Variants in DNAJB12 observed in about 807,000 individuals in gnomAD.
DNAJB12 encodes dnaJ homolog subfamily B member 12.
In DNAJB12, 14 loss-of-function variants were observed where a neutral mutation model predicts 40.6. The observed-to-expected ratio is 0.34, with a 90% CI of 0.23 to 0.54. DNAJB12 has a LOEUF of 0.54. Among genes scored for constraint, DNAJB12 ranks in the 20% least tolerant of loss-of-function variants. The pLI, the probability that DNAJB12 is intolerant of heterozygous loss-of-function variation, is 0.92. For synonymous variants in DNAJB12, 181 were observed against 199.5 expected (o/e 0.91, Z 0.78); for missense variants, 444 against 501.7 (o/e 0.89, Z 1.10).
rs775072365 is a variant in DNAJB12, at chr10:72,344,990, T to C, written c.271A>G (p.Thr91Ala). 1.2e-6 allele frequency: 2 copies of C among 1,614,204 alleles called. No homozygotes were observed. The highest frequency in any genetic ancestry group is 1.7e-6 in the Non-Finnish European group (2 of 1,180,022). Residue 91 changes from threonine to alanine, a missense_variant, in exon 2 of 9, where the codon ACC becomes GCC. Physicochemically the swap from Thr to Ala is moderately conservative, Grantham distance 58. Coordinates refer to ENST00000444643, the MANE Select transcript of DNAJB12 (RefSeq NM_017626.7). Reference protein sequence around the residue: ...SANGEAGGESTKGYTAEQVAA... With the variant: ...SANGEAGGESAKGYTAEQVAA... Reference sequence around the variant, plus strand: ...ACCTGTTCTGCAGTGTAGCCTTTGGTGCTCTCTCCTCCAGCTTCACCGTTG... The same window carrying C: ...ACCTGTTCTGCAGTGTAGCCTTTGGCGCTCTCTCCTCCAGCTTCACCGTTG...
rs76463088 is a variant in DNAJB12, at chr10:72,354,606, G to A, written c.133+159C>T. 7.5e-3 allele frequency among the ~76,000 whole-genome samples: 1,135 copies of A among 152,330 alleles called. 16 individuals are homozygous for A. The highest frequency in any genetic ancestry group is 0.026 in the African/African-American group (1,073 of 41,580). ...CTCGCATCCCGCAGAGGAACAAGAG[G>A]GAAAAACTACGCCTCCCAGCAGCCA... On this transcript the variant is annotated intron_variant, in intron 1 of 8. Transcript: ENST00000444643.
intron 1 of DNAJB12, among the ~76,000 whole-genome samples, chr10:72,346,553 G>A (rs1861793505): frequency 6.6e-6 from 1 of 152,228 alleles, no homozygotes; most frequent in Admixed American, 6.5e-5. Flanking sequence ...TTGAACTCCT[G>A]ACCTCAAGCA....
Position 72,335,425 on chromosome 10 carries a change from G to C in DNAJB12, c.*30+355C>G, listed in dbSNP as rs565367747. The C allele has an allele frequency of 9.4e-7, 1 of 1,065,682 alleles. No individual in the cohort carries two copies. The highest frequency in any genetic ancestry group is 2.8e-5 in the South Asian group (1 of 35,432). 66.0% of individuals were successfully genotyped at this position (1,065,682 alleles called of 1,614,324 possible). On this transcript the variant is annotated intron_variant, in intron 8 of 8. Coordinates refer to ENST00000444643, the MANE Select transcript of DNAJB12 (RefSeq NM_017626.7). The surrounding 1 kb of genome is among the most constrained non-coding windows in gnomAD (Gnocchi z 4.4). Reference sequence around the variant, plus strand: ...ACCAGGGCACGGACAATAGTCTGCTGTGCTGGAGAAAGGGCCGTGCTGACT... The same window carrying C: ...ACCAGGGCACGGACAATAGTCTGCTCTGCTGGAGAAAGGGCCGTGCTGACT...
chr10:72,337,240 G>C (rs1229155097), intron 6 of DNAJB12, among the ~76,000 whole-genome samples: 1 of 152,236 alleles, frequency 6.6e-6, no homozygotes, highest in Non-Finnish European at 1.5e-5. Context: ...CTAGTCCTCT[G>C]CTCCTCACAT....
At chr10:72,343,913 T>A (rs1297147992) in intron 2 of DNAJB12, among the ~76,000 whole-genome samples, 1 of 151,830 alleles carries the variant, frequency 6.6e-6, no homozygotes, top group East Asian at 1.9e-4. Context: ...TTTTTAAAAG[T>A]TTTTAAAATG....
rs979751724 is a variant in DNAJB12 at position 72,334,540 on chromosome 10, G to C, written c.*108C>G. On this transcript the variant is annotated 3_prime_UTR_variant, in exon 9 of 9. Transcript: ENST00000444643. ...AATTCCATTTTAATTTTGTTTCTTT[G>C]TTTGTCTTTCCTCAAATATACAGTC... is the stretch of plus-strand genomic sequence containing the variant. 3.9e-6 allele frequency: 6 copies of C among 1,532,270 alleles called. No individual in the cohort carries two copies. The highest frequency in any genetic ancestry group is 5.2e-6 in the Non-Finnish European group (6 of 1,144,192). The allele number at this position is 1,532,270 out of a possible 1,614,324, so 94.9% of individuals were successfully genotyped here.
chr10:72,350,565 A>T (rs183193976), intron 1 of DNAJB12, among the ~76,000 whole-genome samples: 1 of 151,962 alleles, frequency 6.6e-6, no homozygotes, highest in Non-Finnish European at 1.5e-5. Context: ...CCAGCAAAAA[A>T]CTCAGCCCAA....
In DNAJB12 at chr10:72,336,692, C is replaced by T. The variant is rs755131366; in HGVS notation, c.838G>A (p.Val280Met). ...PPYSLSPRPS[V>M]GHIHRRVTDH... Reference sequence around the variant, plus strand: ...GTGACTCGCCTGTGGATGTGGCCCACGGACCTGGCCAGAAATACCAGGTTC... The same window carrying T: ...GTGACTCGCCTGTGGATGTGGCCCATGGACCTGGCCAGAAATACCAGGTTC... Residue 280 changes from valine (V) to methionine (M), a missense_variant, in exon 7 of 9, where the codon GTG becomes ATG. Coordinates refer to ENST00000444643, the MANE Select transcript of DNAJB12 (RefSeq NM_017626.7). 67 of 1,613,480 alleles carry T rather than the reference C, an allele frequency of 4.2e-5. No individual in the cohort carries two copies. The highest frequency in any genetic ancestry group is 5.3e-5 in the Non-Finnish European group (62 of 1,179,672).
Position 72,335,908 on chromosome 10 carries a change from G to A in DNAJB12, c.1030C>T (p.Arg344Cys), listed in dbSNP as rs775784238. ...TACATATCTGTGTCGCCAAAGTAGC[G>A]TGCCCGGTACAGCAAGCCTTCCTCT... ...QQKEGLLYRA[R>C]YFGDTDMYHR... Residue 344 changes from arginine to cysteine, a missense_variant, in exon 8 of 9, where the codon CGC (arginine) becomes TGC (cysteine). Transcript: ENST00000444643. The surrounding 1 kb of genome is among the most constrained non-coding windows in gnomAD (Gnocchi z 4.4). 4 of 1,614,016 alleles carry A rather than the reference G, an allele frequency of 2.5e-6. No individual in the cohort carries two copies. Among genetic ancestry groups the A allele is most frequent in the Admixed American group, 1.7e-5 (1 of 59,996 alleles).
At chr10:72,340,640 G>A in intron 5 of DNAJB12, 149 bp downstream of exon 5, 1 of 741,624 alleles carries the variant, frequency 1.3e-6, no homozygotes, top group Non-Finnish European at 2.2e-6. Flanking sequence ...AATGGCAAGG[G>A]AGGCCCAGAG....
chr10:72,339,717 CTT>C (rs543639307), intron 5 of DNAJB12, among the ~76,000 whole-genome samples: 8 of 143,912 alleles, frequency 5.6e-5, no homozygotes, highest in East Asian at 2.0e-4. Flanking sequence ...AATTTTTATA[CTT>C]TTTTTTTTTT....
In DNAJB12 at chr10:72,334,364, T is replaced by G; in HGVS notation, c.*284A>C. On this transcript the variant is annotated 3_prime_UTR_variant, in exon 9 of 9. Transcript: ENST00000444643. ...GTTTTACATTCTACTTTCGTTGCCA[T>G]GGTTTCTGTATCCTAGGAGAGAGGC... 2 of 556,956 alleles carry G rather than the reference T, an allele frequency of 3.6e-6. No individual in the cohort carries two copies. Among genetic ancestry groups the G allele is most frequent in the East Asian group, 3.5e-5 (1 of 28,750 alleles). 34.5% of individuals were successfully genotyped at this position (556,956 alleles called of 1,614,324 possible).
rs1861612897 is a variant in DNAJB12 at position 72,340,810 on chromosome 10, G to C, written c.702C>G (p.Asp234Glu). 1 of 1,614,162 alleles carries C rather than the reference G, an allele frequency of 6.2e-7. No homozygotes were observed. Among genetic ancestry groups the C allele is most frequent in the Non-Finnish European group, 8.5e-7 (1 of 1,180,004 alleles). ...TCACATCACCCTGGTTGTCCCTGCG[G>C]TCCTGCCTTTGCTGGTAGGTATAGC... ...RMRYTYQQRQ[D>E]RRDNQGDGGL... is the part of the protein sequence containing the mutation. Residue 234 changes from aspartate (D) to glutamate (E), a missense_variant, in exon 5 of 9, where the codon GAC becomes GAG. Asp to Glu is a conservative substitution (Grantham distance 45, BLOSUM62 2). Transcript: ENST00000444643.
chr10:72,350,693 T>C (rs889127925), intron 1 of DNAJB12, among the ~76,000 whole-genome samples: 7 of 152,160 alleles, frequency 4.6e-5, no homozygotes, highest in Non-Finnish European at 2.9e-5. Flanking sequence ...GGCCTGGGAT[T>C]GGAGATGGAC....
At chr10:72,344,812 C>G in intron 2 of DNAJB12, 138 bp downstream of exon 2, 1 of 1,010,448 alleles carries the variant, frequency 9.9e-7, no homozygotes, top group Non-Finnish European at 1.5e-6. Flanking sequence ...AGCCTGGACC[C>G]TTGGACCTTC....
At chr10:72,354,433 C>CGTAT in intron 1 of DNAJB12, 5 of 302,082 alleles carry the variant, frequency 1.7e-5, no homozygotes, top group South Asian at 1.6e-4. Context: ...ACCGAACGGC[C>CGTAT]CCTTGGGAAA....
At chr10:72,345,859 A>C (rs896297099) in intron 1 of DNAJB12, among the ~76,000 whole-genome samples, 1 of 148,426 alleles carries the variant, frequency 6.7e-6, no homozygotes, top group African/African-American at 2.5e-5. Context: ...GTGCCACTGC[A>C]CTCCAGCCTG....
intron 1 of DNAJB12, 58 bp from the exon 2 acceptor site, chr10:72,345,185 C>A: frequency 6.5e-6 from 10 of 1,545,688 alleles, no homozygotes; most frequent in South Asian, 3.7e-5. Context: ...CGTGCCTCGC[C>A]GAGCGGCCCG....
intron 1 of DNAJB12, 83 bp from the exon 2 acceptor site, chr10:72,345,210 C>T: frequency 6.6e-7 from 1 of 1,508,972 alleles, no homozygotes; most frequent in South Asian, 1.3e-5. Context: ...TTCCCACTCA[C>T]TTCCCCTCCC....
Sources: allele counts gnomAD v4.1 joint callset (sites outside exome capture counted in the v4.1 genomes callset), GRCh38; gene constraint gnomAD v4.1.1; non-coding constraint Gnocchi (gnomAD v3.1); transcripts MANE v1.5; gene names NCBI Gene and HGNC (gene_info 2026-07-23, HGNC 2026-07-21).